NLGN1: variants seen among roughly 807,000 people sequenced by gnomAD.
NLGN1 encodes neuroligin 1.
Under a neutral mutation model 65.5 loss-of-function variants are expected in NLGN1, and 12 were observed. The observed-to-expected ratio is 0.18, with a 90% CI of 0.12 to 0.30. The LOEUF is 0.30. Ranked by LOEUF, NLGN1 falls within the 10% of genes least tolerant of loss-of-function variation. The pLI, the probability that NLGN1 is intolerant of heterozygous loss-of-function variation, is 1.00. For synonymous variants in NLGN1, 350 were observed against 359.5 expected, an observed-to-expected ratio of 0.97 and a Z score of 0.30; for missense variants, 750 against 1,007.1, an observed-to-expected ratio of 0.74 and a Z score of 3.46.
chr3:173,794,995 T>C (rs2150380288), intron 3 of NLGN1, among the ~76,000 whole-genome samples: 1 of 152,276 alleles, frequency 6.6e-6, no homozygotes, highest in South Asian at 2.1e-4. Context: ...TTTCAAGTTG[T>C]GCTCTTACCT....
chr3:173,597,098 G>A (rs1749612064), intron 2 of NLGN1, among the ~76,000 whole-genome samples: 1 of 152,134 alleles, frequency 6.6e-6, no homozygotes, highest in South Asian at 2.1e-4. Context: ...TTTTCCTTCT[G>A]TTGATATTCT....
intron 4 of NLGN1, among the ~76,000 whole-genome samples, chr3:174,231,021 C>T (rs535678422): frequency 6.6e-6 from 1 of 152,220 alleles, no homozygotes; most frequent in Non-Finnish European, 1.5e-5. Flanking sequence ...CTGTTACTGT[C>T]CTTGTTTCAA....
chr3:173,995,091 T>C (rs1721987194), intron 4 of NLGN1, among the ~76,000 whole-genome samples: 1 of 152,214 alleles, frequency 6.6e-6, no homozygotes, highest in South Asian at 2.1e-4. Flanking sequence ...TTATCCAGCC[T>C]GCTAGCCCGA....
At chr3:173,694,208 AG>A (rs1259265665) in intron 3 of NLGN1, among the ~76,000 whole-genome samples, 1 of 152,136 alleles carries the variant, frequency 6.6e-6, no homozygotes, top group East Asian at 1.9e-4. Context: ...GAAATAAATA[AG>A]GTCAATTTTG....
intron 4 of NLGN1, among the ~76,000 whole-genome samples, chr3:174,195,839 G>A (rs527491969): frequency 1.3e-5 from 2 of 152,170 alleles, no homozygotes; most frequent in African/African-American, 2.4e-5. Context: ...CAGAGGTCAA[G>A]GTAGAAATTT....
intron 4 of NLGN1, among the ~76,000 whole-genome samples, chr3:173,958,448 G>T (rs1196314610): frequency 6.6e-6 from 1 of 152,080 alleles, no homozygotes; most frequent in Non-Finnish European, 1.5e-5. Context: ...CCTCTCCGTG[G>T]CTGATTGTCC....
intron 2 of NLGN1, among the ~76,000 whole-genome samples, chr3:173,441,252 C>T (rs865896769): frequency 2.6e-5 from 4 of 152,136 alleles, no homozygotes; most frequent in African/African-American, 4.8e-5. Context: ...TCAGCAATAA[C>T]GCGTTGTTTT....
At chr3:173,869,390 T>C (rs1055269160) in intron 4 of NLGN1, among the ~76,000 whole-genome samples, 1 of 152,162 alleles carries the variant, frequency 6.6e-6, no homozygotes, top group African/African-American at 2.4e-5. Context: ...AATCTTTAGC[T>C]TTGTGAGAGG....
In NLGN1 at chr3:174,235,137, A is replaced by G. The variant is rs555820393; in HGVS notation, c.647-40178A>G. The stretch of plus-strand genomic sequence containing the variant: ...AACTTTGCTGCTGACTTGGGCTGAG[A>G]AATCAGATTTCATATGTCCAGGAGT... On this transcript the variant is annotated intron_variant, in intron 4 of 6. Coordinates refer to ENST00000457714, the Ensembl canonical transcript of NLGN1. Among the ~76,000 whole-genome samples, 108 of 151,964 alleles carry G rather than the reference A, an allele frequency of 7.1e-4. 1 individual carries two copies. The highest frequency in any genetic ancestry group is 2.4e-3 in the African/African-American group (101 of 41,428).
chr3:173,479,731 A>C (rs1032208411), intron 2 of NLGN1, among the ~76,000 whole-genome samples: 5 of 152,344 alleles, frequency 3.3e-5, no homozygotes, highest in Non-Finnish European at 7.3e-5. Context: ...ATGAGATGGG[A>C]AAACAAGAAA....
intron 4 of NLGN1, among the ~76,000 whole-genome samples, chr3:174,008,954 G>A (rs1724981930): frequency 6.6e-6 from 1 of 152,110 alleles, no homozygotes; most frequent in Non-Finnish European, 1.5e-5. Context: ...TGACATGAAA[G>A]ATACTAAATT....
chr3:173,552,699 T>C (rs533648474), intron 2 of NLGN1, among the ~76,000 whole-genome samples: 13 of 152,268 alleles, frequency 8.5e-5, no homozygotes, highest in African/African-American at 3.1e-4. Flanking sequence ...AGGCTCCTCC[T>C]GCCTGCAAAC....
At chr3:173,538,506 T>G (rs1020228506) in intron 2 of NLGN1, among the ~76,000 whole-genome samples, 2 of 152,200 alleles carry the variant, frequency 1.3e-5, no homozygotes, top group Non-Finnish European at 2.9e-5. Flanking sequence ...AAGGCAAATC[T>G]AAATCCAGGG....
At chr3:173,952,962 A>G (rs1274057714) in intron 4 of NLGN1, among the ~76,000 whole-genome samples, 1 of 152,086 alleles carries the variant, frequency 6.6e-6, no homozygotes, top group African/African-American at 2.4e-5. Flanking sequence ...TATCTTTAGT[A>G]GAGACGGGGT....
At chr3:174,216,351 T>C (rs1737595641) in intron 4 of NLGN1, among the ~76,000 whole-genome samples, 1 of 152,126 alleles carries the variant, frequency 6.6e-6, no homozygotes, top group South Asian at 2.1e-4. Flanking sequence ...TTACAACATA[T>C]GGTGACTTCT....
At chr3:174,266,778 A>T (rs1439242190) in intron 4 of NLGN1, among the ~76,000 whole-genome samples, 1 of 152,204 alleles carries the variant, frequency 6.6e-6, no homozygotes, top group Non-Finnish European at 1.5e-5. Context: ...GAATAGTTTA[A>T]AAATGTGGTA....
intron 2 of NLGN1, among the ~76,000 whole-genome samples, chr3:173,501,046 C>T (rs908456125): frequency 6.6e-6 from 1 of 152,056 alleles, no homozygotes; most frequent in Non-Finnish European, 1.5e-5. Flanking sequence ...TTGACATCCT[C>T]CAGGTTTTTA....
At chr3:173,510,020 A>G (rs1315639294) in intron 2 of NLGN1, among the ~76,000 whole-genome samples, 3 of 152,190 alleles carry the variant, frequency 2.0e-5, no homozygotes, top group Non-Finnish European at 4.4e-5. Flanking sequence ...ACAGGAATAG[A>G]TTTGATAGGA....
intron 2 of NLGN1, among the ~76,000 whole-genome samples, chr3:173,602,530 A>G (rs1750713731): frequency 6.6e-6 from 1 of 152,102 alleles, no homozygotes; most frequent in Non-Finnish European, 1.5e-5. Context: ...TCAGTGGGAA[A>G]CAGGAGCTTC....
Sources: gnomAD v4.1 joint callset for allele counts (sites outside exome capture counted in the v4.1 genomes callset) on GRCh38, gnomAD v4.1.1 for gene constraint, MANE v1.5 for transcripts, NCBI Gene and HGNC (gene_info 2026-07-23, HGNC 2026-07-21) for gene names.